The following C14orf132 variants were observed in gnomAD, a reference collection of about 807,000 sequenced individuals.
The protein encoded by C14orf132 is uncharacterized protein C14orf132.
Under a neutral mutation model 5.8 loss-of-function variants are expected in C14orf132, and 6 were observed. The ratio of observed to expected loss-of-function variants is 1.03; its 90% CI spans 0.57 to 2.04. C14orf132 has a LOEUF of 2.04. Ranked by LOEUF, C14orf132 falls within the 30% of genes most tolerant of loss-of-function variation. C14orf132 has a pLI of 0.00. For missense variants in C14orf132, 125 were observed against 115.8 expected, an observed-to-expected ratio of 1.08 and a Z score of -0.37; for synonymous variants, 51 against 49.8, an observed-to-expected ratio of 1.02 and a Z score of -0.10.
chr14:96,043,267 C>T (rs899536205), intron 1 of C14orf132, among the ~76,000 whole-genome samples: 1 of 152,118 alleles, frequency 6.6e-6, no homozygotes, highest in East Asian at 1.9e-4. Flanking sequence ...AGGGGAAGCC[C>T]ACATCATCCA....
chr14:96,060,437 T>G (rs12435820), intron 1 of C14orf132, among the ~76,000 whole-genome samples: 1 of 152,010 alleles, frequency 6.6e-6, no homozygotes, highest in African/African-American at 2.4e-5. Context: ...TGAGCTGCGA[T>G]GTGCTTTATG....
intron 1 of C14orf132, among the ~76,000 whole-genome samples, chr14:96,056,092 T>C (rs1887175000): frequency 6.6e-6 from 1 of 152,232 alleles, no homozygotes; most frequent in South Asian, 2.1e-4. Flanking sequence ...CAGTAAAGAC[T>C]TTATGATGCA....
intron 1 of C14orf132, among the ~76,000 whole-genome samples, chr14:96,059,729 T>TC (rs565701663): frequency 7.8e-4 from 119 of 152,286 alleles, no homozygotes; most frequent in Admixed American, 2.0e-3. Context: ...CCGCCTTTCC[T>TC]CCTCCCTGGA....
intron 1 of C14orf132, among the ~76,000 whole-genome samples, chr14:96,052,400 A>G (rs1887055426): frequency 1.3e-5 from 2 of 152,200 alleles, no homozygotes; most frequent in Admixed American, 6.5e-5. Flanking sequence ...GGGAGAGGCT[A>G]TACCTCTCCT....
chr14:96,082,198 G>A (rs778625563), intron 1 of C14orf132, among the ~76,000 whole-genome samples: 3 of 152,182 alleles, frequency 2.0e-5, no homozygotes, highest in Non-Finnish European at 2.9e-5. Context: ...GCCCACTGGC[G>A]TGAGAAAACC....
chr14:96,090,391 AAAAAAAAAAAAAAAGAAAAG>A lies in C14orf132; in HGVS notation c.*3668_*3687del. On this transcript the variant is annotated 3_prime_UTR_variant, in exon 2 of 2. Transcript: ENST00000555004. ...GGGCAACAGAACGAGACTCTGTCTC[AAAAAAAAAAAAAAAGAAAAG>A]AAAAAAAAAAAGAGCAACTTACTGC... The A allele has an allele frequency of 1.0e-5, 1 of 98,726 alleles. No individual in the cohort carries two copies. The highest frequency in any genetic ancestry group is 2.5e-5 in the Non-Finnish European group (1 of 40,154). 6.1% of individuals were successfully genotyped at this position (98,726 alleles called of 1,614,324 possible). A position where few individuals can be genotyped will look rare whatever the true frequency, so the allele number is the denominator to read the frequency against.
chr14:96,079,562 A>G (rs1437542462), intron 1 of C14orf132, among the ~76,000 whole-genome samples: 2 of 152,096 alleles, frequency 1.3e-5, no homozygotes, highest in Non-Finnish European at 2.9e-5. Context: ...ATGTCTGTCT[A>G]TCACTTCCTG....
intron 1 of C14orf132, among the ~76,000 whole-genome samples, chr14:96,080,284 G>A (rs994064898): frequency 6.6e-5 from 10 of 152,164 alleles, no homozygotes; most frequent in African/African-American, 1.9e-4. Context: ...CCAGAGCAGT[G>A]TGGGAGCAGC....
intron 1 of C14orf132, among the ~76,000 whole-genome samples, chr14:96,058,828 G>A (rs759087291): frequency 5.1e-4 from 78 of 152,266 alleles, no homozygotes; most frequent in Non-Finnish European, 8.8e-4. Context: ...GGAACAGCTC[G>A]GGGGCTATCT....
chr14:96,042,807 C>T (rs1037936097), intron 1 of C14orf132, among the ~76,000 whole-genome samples: 2 of 152,172 alleles, frequency 1.3e-5, no homozygotes, highest in African/African-American at 2.4e-5. Flanking sequence ...TTGCCCTCTC[C>T]CCTACCCTGG....
rs35138535 is a variant in C14orf132 at position 96,090,390 on chromosome 14, CAA to C, written c.*3669_*3670del. On this transcript the variant is annotated 3_prime_UTR_variant, in exon 2 of 2. Coordinates refer to ENST00000555004, the MANE Select transcript of C14orf132 (RefSeq NM_001252507.3). ...TGGGCAACAGAACGAGACTCTGTCTCAAAAAAAAAAAAAAAGAAAAGAAAAAA... is the reference window on the plus strand; with the variant it reads ...TGGGCAACAGAACGAGACTCTGTCTCAAAAAAAAAAAAAGAAAAGAAAAAA... The C allele has an allele frequency of 0.019, 3,610 of 194,648 alleles. No homozygotes were observed. The highest frequency in any genetic ancestry group is 0.029 in the South Asian group (649 of 22,336). 12.1% of individuals were successfully genotyped at this position (194,648 alleles called of 1,614,324 possible). A position where few individuals can be genotyped will look rare whatever the true frequency, so the allele number is the denominator to read the frequency against.
chr14:96,089,080 G>A lies in C14orf132; in HGVS notation c.*2345G>A, dbSNP rs3208738. ...CGGGGTTGCCCCATCTTGGTCTCCT[G>A]TGGTTTCTTCATCAGCTTTTTTTTT... is the stretch of plus-strand genomic sequence containing the variant. On this transcript the variant is annotated 3_prime_UTR_variant, in exon 2 of 2. Coordinates refer to ENST00000555004, the MANE Select transcript of C14orf132 (RefSeq NM_001252507.3). 36,957 of 152,280 alleles carry A rather than the reference G, an allele frequency of 0.24. 4,797 individuals are homozygous for A. The highest frequency in any genetic ancestry group is 0.36 in the Middle Eastern group (104 of 292). The allele number at this position is 152,280 out of a possible 1,614,324, so 9.4% of individuals were successfully genotyped here. A position where few individuals can be genotyped will look rare whatever the true frequency, so the allele number is the denominator to read the frequency against.
In C14orf132 at chr14:96,084,811, C is replaced by T. The variant is rs537574109; in HGVS notation, c.28-1700C>T. Among the ~76,000 whole-genome samples, 4 of 152,264 alleles carry T rather than the reference C, an allele frequency of 2.6e-5. No individual in the cohort carries two copies. The South Asian group carries it at 6.2e-4, about 24-fold the overall frequency. ...CTGCCCTATTCCATCCCCTCAAGGA[C>T]AGCACCATGTTAGGAATATAGGTGC... On this transcript the variant is annotated intron_variant, in intron 1 of 1. Transcript: ENST00000555004.
intron 1 of C14orf132, among the ~76,000 whole-genome samples, chr14:96,079,001 T>G (rs1310341310): frequency 6.6e-6 from 1 of 152,248 alleles, no homozygotes; most frequent in Non-Finnish European, 1.5e-5. Flanking sequence ...TCCATTTCCT[T>G]TCTTACGTTC....
intron 1 of C14orf132, among the ~76,000 whole-genome samples, chr14:96,062,088 G>T (rs1218235201): frequency 2.0e-5 from 3 of 152,132 alleles, no homozygotes; most frequent in Admixed American, 6.5e-5. Context: ...CTATCCAGCT[G>T]GTCCGGTCCT....
At chr14:96,070,459 C>G (rs545773724) in intron 1 of C14orf132, among the ~76,000 whole-genome samples, 1 of 152,264 alleles carries the variant, frequency 6.6e-6, no homozygotes, top group African/African-American at 2.4e-5. Context: ...GCAGATAAAA[C>G]TGGAGCCAGG....
chr14:96,044,397 C>G (rs1296742771), intron 1 of C14orf132, among the ~76,000 whole-genome samples: 1 of 152,208 alleles, frequency 6.6e-6, no homozygotes, highest in Non-Finnish European at 1.5e-5. Context: ...CCAGGCAGGT[C>G]TAGAGCTCCT....
Position 96,093,454 on chromosome 14 carries a change from C to T in C14orf132, c.*6719C>T, listed in dbSNP as rs10082. 0.67 allele frequency: 102,222 copies of T among 152,144 alleles called. 34,455 individuals carry two copies. The highest frequency in any genetic ancestry group is 0.8 in the Middle Eastern group (235 of 294). The allele number at this position is 152,144 out of a possible 1,614,324, so 9.4% of individuals were successfully genotyped here. ...TTCTCTTATTTCTGACCTTTTTCCA[C>T]GTGCCCAGTCCTATTTCTGCCAGTT... On this transcript the variant is annotated 3_prime_UTR_variant, in exon 2 of 2. Transcript: ENST00000555004.
At chr14:96,086,410 A>C in intron 1 of C14orf132, 101 bp from the exon 2 acceptor site, 1 of 1,012,512 alleles carries the variant, frequency 9.9e-7, no homozygotes, top group Non-Finnish European at 1.4e-6. Flanking sequence ...TAGAGATCGT[A>C]GCTTCATGTG....
Sources: allele counts gnomAD v4.1 joint callset (sites outside exome capture counted in the v4.1 genomes callset), GRCh38; gene constraint gnomAD v4.1.1; transcripts MANE v1.5; gene names NCBI Gene and HGNC (gene_info 2026-07-23, HGNC 2026-07-21).